The following DZIP1 variants were observed in gnomAD, a reference collection of about 807,000 sequenced individuals.
DZIP1 encodes cilium assembly protein DZIP1.
DZIP1 carries 97 observed loss-of-function variants against 107.6 expected under a neutral mutation model. The observed-to-expected ratio is 0.90, with a 90% CI of 0.77 to 1.07. The LOEUF is 1.07. Among genes scored for constraint, DZIP1 ranks in the 50% least tolerant of loss-of-function variants. DZIP1 has a pLI of 0.00. For missense variants in DZIP1, 1,035 were observed against 1,063.6 expected (o/e 0.97, Z 0.37); for synonymous variants, 390 against 386.4 (o/e 1.01, Z -0.11).
chr13:95,612,934 C>T (rs1454274149), intron 10 of DZIP1, among the ~76,000 whole-genome samples: 1 of 151,788 alleles, frequency 6.6e-6, no homozygotes, highest in Admixed American at 6.6e-5. Context: ...CCCTGGCCCT[C>T]AGCAGGTTCT....
intron 13 of DZIP1, among the ~76,000 whole-genome samples, chr13:95,606,553 T>C (rs1477002561): frequency 1.3e-5 from 2 of 152,270 alleles, no homozygotes; most frequent in African/African-American, 4.8e-5. Flanking sequence ...ATCCATGCTG[T>C]AGCATGTATA....
intron 15 of DZIP1, among the ~76,000 whole-genome samples, chr13:95,595,787 C>T (rs775060553): frequency 2.6e-5 from 4 of 152,270 alleles, no homozygotes; most frequent in Middle Eastern, 3.4e-3. Flanking sequence ...TACACAGAAG[C>T]GTTGCCTAAA....
intron 13 of DZIP1, among the ~76,000 whole-genome samples, chr13:95,609,194 C>T (rs528329579): frequency 1.3e-5 from 2 of 152,262 alleles, no homozygotes; most frequent in East Asian, 3.9e-4. Context: ...TAAGGTGATG[C>T]CAAGGAATTT....
At position 95,586,121 on chromosome 13, in the gene DZIP1, G is replaced by A; in HGVS notation, c.2234C>T (p.Thr745Ile). The change falls in exon 21 of 23, where the codon ACA becomes ATA. Residue 745 changes from threonine to isoleucine, a missense_variant. By Grantham distance (89) the Thr-to-Ile change is moderately conservative. Transcript: ENST00000376829. ...CATCTTTTCAACTTTTTCAGTAGGT[G>A]TTTTAACGGCGACTCCTATAAGATC... ...SPKPAGVAVK[T>I]PTEKVEKMFP... 1.9e-6 allele frequency: 3 copies of A among 1,609,386 alleles called. No homozygotes were observed. Among genetic ancestry groups the A allele is most frequent in the Non-Finnish European group, 2.5e-6 (3 of 1,178,632 alleles).
intron 6 of DZIP1, among the ~76,000 whole-genome samples, chr13:95,632,128 G>A (rs1226220174): frequency 1.3e-5 from 2 of 152,010 alleles, no homozygotes; most frequent in Non-Finnish European, 2.9e-5. Context: ...AAGACCTTGG[G>A]GCTGACCTCA....
intron 10 of DZIP1, among the ~76,000 whole-genome samples, chr13:95,618,334 C>G (rs1875405000): frequency 6.6e-6 from 1 of 152,158 alleles, no homozygotes; most frequent in Non-Finnish European, 1.5e-5. Flanking sequence ...ACTGCCACAT[C>G]AGTGATACAA....
chr13:95,619,980 A>C (rs1875622203), intron 9 of DZIP1, 33 bp from the exon 10 acceptor site: 1 of 1,609,398 alleles, frequency 6.2e-7, no homozygotes, highest in Non-Finnish European at 8.5e-7. Flanking sequence ...TTTATGTACA[A>C]CTGTAACAAT....
intron 2 of DZIP1, 41 bp from the exon 3 acceptor site, chr13:95,643,298 T>A (rs1457036973): frequency 6.6e-6 from 1 of 152,178 alleles, no homozygotes; most frequent in Non-Finnish European, 1.5e-5. Flanking sequence ...GAAAATACAA[T>A]TCAGAGTAAC....
In DZIP1 at chr13:95,590,293, G is replaced by A. The variant is rs765467346; in HGVS notation, c.1829C>T (p.Ala610Val). The change falls in exon 17 of 23, where the codon GCA becomes GTA. Residue 610 changes from alanine (A) to valine (V), a missense_variant. Ala to Val is a moderately conservative substitution (Grantham distance 64, BLOSUM62 0). Coordinates refer to ENST00000376829, the MANE Select transcript of DZIP1 (RefSeq NM_198968.4). ...AACAAGCTTACCTGAAGAGAGTAGT[G>A]CTTTCTCCTCAATTTTACAGCTGAC... ...HQVSCKIEEK[A>V]LLSSDQCSVS... 1 of 1,612,440 alleles carries A rather than the reference G, an allele frequency of 6.2e-7. No individual in the cohort carries two copies. The highest frequency in any genetic ancestry group is 2.2e-5 in the East Asian group (1 of 44,846).
rs372167629 is a variant in DZIP1, at chr13:95,611,794, TCTTA to T, written c.1314+239_1314+242del. Among the ~76,000 whole-genome samples, 209 of 152,330 alleles carry T rather than the reference TCTTA, an allele frequency of 1.4e-3. 3 individuals carry two copies. The East Asian group carries it at 0.025, about 18-fold the overall frequency. ...TCTCAGAGTAATTACTGAAAGAAAT[TCTTA>T]CTTACCTTCAAATCAAATTAATTTT... On this transcript the variant is annotated intron_variant, in intron 11 of 22. Coordinates refer to ENST00000376829, the MANE Select transcript of DZIP1 (RefSeq NM_198968.4).
intron 14 of DZIP1, 95 bp from the exon 15 acceptor site, chr13:95,599,519 G>GAATGA: frequency 8.8e-7 from 1 of 1,138,230 alleles, no homozygotes; most frequent in Non-Finnish European, 1.3e-6. Flanking sequence ...TCATTCCATG[G>GAATGA]TATTTTAGTC....
intron 14 of DZIP1, among the ~76,000 whole-genome samples, chr13:95,603,539 C>T (rs2044683096): frequency 6.6e-6 from 1 of 152,072 alleles, no homozygotes; most frequent in Non-Finnish European, 1.5e-5. Flanking sequence ...ATTATCAGCC[C>T]AGGCAACCTA....
At chr13:95,598,260 T>C (rs2044514693) in intron 15 of DZIP1, among the ~76,000 whole-genome samples, 1 of 152,124 alleles carries the variant, frequency 6.6e-6, no homozygotes, top group Non-Finnish European at 1.5e-5. Context: ...TGAACAACTA[T>C]TGGGACAGGA....
intron 16 of DZIP1, among the ~76,000 whole-genome samples, chr13:95,592,862 T>C (rs1205037791): frequency 6.6e-6 from 1 of 152,140 alleles, no homozygotes; most frequent in Non-Finnish European, 1.5e-5. Context: ...CAAAAGAAGA[T>C]ATAAAATATT....
In DZIP1 at chr13:95,641,684, G is replaced by T. The variant is rs1487888552; in HGVS notation, c.208C>A (p.Arg70=). 1.9e-6 allele frequency: 3 copies of T among 1,604,944 alleles called. No individual in the cohort carries two copies. Among genetic ancestry groups the T allele is most frequent in the Non-Finnish European group, 2.5e-6 (3 of 1,179,882 alleles). The change falls in exon 5 of 23, where the codon CGG becomes AGG. Residue 70 remains arginine (R), a synonymous_variant. Transcript: ENST00000376829. The surrounding 1 kb of genome is among the most constrained non-coding windows in gnomAD (Gnocchi z 4.3). ...FRPRLESVDW[R]RLSAIDVDKV... ...TCCACGTCGATGGCGCTCAGCCGCC[G>T]CCAGTCCACACTCTCCAGCCGCGGC...
intron 14 of DZIP1, among the ~76,000 whole-genome samples, chr13:95,603,068 C>T (rs182160572): frequency 6.6e-6 from 1 of 152,202 alleles, no homozygotes; most frequent in East Asian, 1.9e-4. Context: ...ACCTGTGGTC[C>T]TAGCACTTTG....
In DZIP1 at chr13:95,641,979, C is replaced by T; in HGVS notation, c.36+15G>A. ...GGCATCCCCGTCGGGGGCGCCCCGG[C>T]CTCCCGCCTCTTACCATGCTTGAAA... On this transcript the variant is annotated intron_variant, in intron 4 of 22. Transcript: ENST00000376829. The surrounding 1 kb of genome is among the most constrained non-coding windows in gnomAD (Gnocchi z 4.3). The T allele has an allele frequency of 6.3e-7, 1 of 1,576,896 alleles. No individual in the cohort carries two copies. Among genetic ancestry groups the T allele is most frequent in the Non-Finnish European group, 8.6e-7 (1 of 1,166,876 alleles).
Position 95,622,513 on chromosome 13 carries a change from T to G in DZIP1, c.973-33A>C, listed in dbSNP as rs759001679. 6 of 1,612,566 alleles carry G rather than the reference T, an allele frequency of 3.7e-6. No homozygotes were observed. The South Asian group carries it at 5.5e-5, about 15-fold the overall frequency. On this transcript the variant is annotated intron_variant, in intron 8 of 22. Transcript: ENST00000376829. ...ATAAAATTCAAGCTCAGTACTACAG[T>G]TAGACTTTCATAAGATGGAAACAGA...
In DZIP1 at chr13:95,630,866, G is replaced by A. The variant is rs1232393367; in HGVS notation, c.686-753C>T. Reference sequence around the variant, plus strand: ...CTGAAACCCTCTCTGAAACGAGTATGAGTTAGAATAAGATACTGAAACAGA... The same window carrying A: ...CTGAAACCCTCTCTGAAACGAGTATAAGTTAGAATAAGATACTGAAACAGA... On this transcript the variant is annotated intron_variant, in intron 6 of 22. Coordinates refer to ENST00000376829, the MANE Select transcript of DZIP1 (RefSeq NM_198968.4). 4 of 588,682 alleles carry A rather than the reference G, an allele frequency of 6.8e-6. No homozygotes were observed. In the East Asian group the frequency reaches 2.7e-4, roughly 40 times the overall value. 36.5% of individuals were successfully genotyped at this position (588,682 alleles called of 1,614,324 possible).
Sources: gnomAD v4.1 joint callset for allele counts (sites outside exome capture counted in the v4.1 genomes callset) on GRCh38, gnomAD v4.1.1 for gene constraint, Gnocchi (gnomAD v3.1) non-coding constraint, MANE v1.5 for transcripts, NCBI Gene and HGNC (gene_info 2026-07-23, HGNC 2026-07-21) for gene names.